The following SLC35F5 variants were observed in gnomAD, a reference collection of about 807,000 sequenced individuals.
SLC35F5 encodes the protein HCV NS5A-transactivated protein 3.
In SLC35F5, 54 loss-of-function variants were observed where a neutral mutation model predicts 68.6. That is an observed-to-expected ratio of 0.79 (90% CI 0.63 to 0.99). The LOEUF is 0.99. Among genes scored for constraint, SLC35F5 ranks in the 50% least tolerant of loss-of-function variants. The pLI is 0.00. For synonymous variants in SLC35F5, 211 were observed against 205.2 expected (o/e 1.03, Z -0.24); for missense variants, 567 against 626.9 (o/e 0.90, Z 1.02).
chr2:113,727,526 C>T lies in SLC35F5; in HGVS notation c.1090+1875G>A, dbSNP rs140729074. Among the ~76,000 whole-genome samples the T allele has an allele frequency of 1.5e-3, 222 of 152,286 alleles. 1 individual carries two copies. Among genetic ancestry groups the T allele is most frequent in the African/African-American group, 5.0e-3 (209 of 41,562 alleles). On this transcript the variant is annotated intron_variant, in intron 11 of 15. Transcript: ENST00000245680. ...ATGAAATCCCACGTAAATTAACATCCTTTGACCTAGAGACAAAAGTCCCAA... is the reference window on the plus strand; with the variant it reads ...ATGAAATCCCACGTAAATTAACATCTTTTGACCTAGAGACAAAAGTCCCAA...
intron 15 of SLC35F5, chr2:113,717,527 G>C: frequency 2.8e-6 from 1 of 356,072 alleles, no homozygotes; most frequent in Non-Finnish European, 5.1e-6. Context: ...AGGTTCTACT[G>C]TAATCCCATT....
chr2:113,739,959 T>C (rs1676179498), intron 7 of SLC35F5, among the ~76,000 whole-genome samples: 1 of 152,228 alleles, frequency 6.6e-6, no homozygotes, highest in Admixed American at 6.5e-5. Flanking sequence ...AGAATATATT[T>C]ACGACTCATT....
At position 113,750,419 on chromosome 2, in the gene SLC35F5, A is replaced by G. The variant is rs753413963; in HGVS notation, c.417+6T>C. The G allele has an allele frequency of 3.0e-5, 48 of 1,589,460 alleles. No individual in the cohort carries two copies. Among genetic ancestry groups the G allele is most frequent in the Non-Finnish European group, 4.1e-5 (48 of 1,169,528 alleles). On this transcript the variant is annotated splice_donor_region_variant and intron_variant, in intron 4 of 15. Transcript: ENST00000245680. The stretch of plus-strand genomic sequence containing the variant: ...TCCTAACAGACAGTTAAAATTAAAA[A>G]CTTACAAAAGCAGCATGCTTTCCGC...
At chr2:113,755,731 A>G in intron 1 of SLC35F5, 187 bp from the exon 2 acceptor site, 1 of 1,061,048 alleles carries the variant, frequency 9.4e-7, no homozygotes, top group East Asian at 2.6e-5. Flanking sequence ...GATTATACTT[A>G]GAGAGATACG....
chr2:113,718,921 GAAAGAAAAAGA>G (rs773716424), intron 14 of SLC35F5, among the ~76,000 whole-genome samples: 1,015 of 67,850 alleles, frequency 0.015, 13 homozygotes, highest in Non-Finnish European at 0.027. Context: ...AAGAAAGAAA[GAAAGAAAAAGA>G]AAGGAAGAAA....
At chr2:113,752,458 G>C (rs1676783521) in intron 3 of SLC35F5, among the ~76,000 whole-genome samples, 1 of 152,112 alleles carries the variant, frequency 6.6e-6, no homozygotes, top group Non-Finnish European at 1.5e-5. Context: ...TGTCATGCTG[G>C]AATGTTACAG....
rs545001610 is a variant in SLC35F5, at chr2:113,743,727, A to G, written c.548T>C (p.Ile183Thr). Residue 183 changes from isoleucine (I) to threonine (T), a missense_variant, in exon 6 of 16, where the codon ATT becomes ACT. Physicochemically the swap from Ile to Thr is moderately conservative, Grantham distance 89. Coordinates refer to ENST00000245680, the MANE Select transcript of SLC35F5 (RefSeq NM_025181.5). ...LPSEKPESTN[I>T]DTEKTPKKSR... ...GTTTTGCTTACTTTTTTCAGTATCA[A>G]TGTTTGTGCTCTCAGGTTTTTCACT... 56 of 1,612,476 alleles carry G rather than the reference A, an allele frequency of 3.5e-5. No homozygotes were observed. The highest frequency in any genetic ancestry group is 2.1e-5 in the Non-Finnish European group (25 of 1,179,160).
rs867595280 is a variant in SLC35F5, at chr2:113,755,493, C to A, written c.92G>T (p.Gly31Val). The stretch of plus-strand genomic sequence containing the variant: ...CCTTCTGAGATCCTCAAGAGCAATG[C>A]CGGAAAACTTGGCAGATCTCAGTCT... The part of the protein sequence containing the change: ...PFRLRSAKFS[G>V]IALEDLRRAL... Residue 31 changes from glycine to valine, a missense_variant, in exon 2 of 16, where the codon GGC (glycine) becomes GTC (valine). Coordinates refer to ENST00000245680, the MANE Select transcript of SLC35F5 (RefSeq NM_025181.5). 1.2e-6 allele frequency: 2 copies of A among 1,613,982 alleles called. No homozygotes were observed. Among genetic ancestry groups the A allele is most frequent in the Admixed American group, 1.7e-5 (1 of 60,004 alleles).
downstream of SLC35F5, among the ~76,000 whole-genome samples, chr2:113,704,768 G>A (rs2104941257): frequency 6.6e-6 from 1 of 152,112 alleles, no homozygotes; most frequent in Non-Finnish European, 1.5e-5. Context: ...CGCAGCCCCT[G>A]TTCCCGCCCT....
At chr2:113,726,114 T>C (rs935879706) in intron 11 of SLC35F5, among the ~76,000 whole-genome samples, 3 of 152,200 alleles carry the variant, frequency 2.0e-5, no homozygotes, top group African/African-American at 4.8e-5. Flanking sequence ...AGTGGTTAAG[T>C]GTGTGCTCGG....
At chr2:113,706,645 T>G (rs912241643), downstream of SLC35F5, among the ~76,000 whole-genome samples, 1 of 152,198 alleles carries the variant, frequency 6.6e-6, no homozygotes, top group African/African-American at 2.4e-5. Context: ...CAAAGCTGAG[T>G]GATGTGCTCC....
intron 7 of SLC35F5, among the ~76,000 whole-genome samples, chr2:113,738,481 AT>A (rs1050022264): frequency 5.9e-5 from 9 of 151,932 alleles, no homozygotes; most frequent in Non-Finnish European, 1.3e-4. Flanking sequence ...AAAATGTACT[AT>A]ATATATATTC....
chr2:113,739,863 CA>C (rs1431615149), intron 7 of SLC35F5, among the ~76,000 whole-genome samples: 6 of 152,234 alleles, frequency 3.9e-5, no homozygotes, highest in Non-Finnish European at 8.8e-5. Context: ...TAATGATTAA[CA>C]GGTATTTTGT....
chr2:113,721,029 T>C (rs1391499603), intron 13 of SLC35F5, among the ~76,000 whole-genome samples: 1 of 152,152 alleles, frequency 6.6e-6, no homozygotes, highest in Non-Finnish European at 1.5e-5. Flanking sequence ...TCAAATAGAA[T>C]ATGATCAAGG....
In SLC35F5 at chr2:113,714,505, T is replaced by C. The variant is rs1310988582; in HGVS notation, c.*713A>G. 6.6e-6 allele frequency: 1 copy of C among 152,158 alleles called. No homozygotes were observed. The allele number at this position is 152,158 out of a possible 1,614,324, so 9.4% of individuals were successfully genotyped here. A position where few individuals can be genotyped will look rare whatever the true frequency, so the allele number is the denominator to read the frequency against. On this transcript the variant is annotated 3_prime_UTR_variant, in exon 16 of 16. Coordinates refer to ENST00000245680, the MANE Select transcript of SLC35F5 (RefSeq NM_025181.5). ...ATTAAGTTTACAGCAATATAGCCTT[T>C]AGAAATACATATTTCTTCATTTTAT... is the stretch of plus-strand genomic sequence containing the variant.
In SLC35F5 at chr2:113,747,345, C is replaced by A. The variant is rs186745534; in HGVS notation, c.418-1006G>T. 3.0e-3 allele frequency among the ~76,000 whole-genome samples: 457 copies of A among 151,822 alleles called. 2 individuals are homozygous for A. The highest frequency in any genetic ancestry group is 9.7e-3 in the African/African-American group (402 of 41,394). ...CTGGATCACACTTTAAGAATCACTG[C>A]GCTAATGCTATGTAAATATGATTTC... On this transcript the variant is annotated intron_variant, in intron 4 of 15. Coordinates refer to ENST00000245680, the MANE Select transcript of SLC35F5 (RefSeq NM_025181.5).
In SLC35F5 at chr2:113,725,511, G is replaced by A. The variant is rs1283997587; in HGVS notation, c.1117C>T (p.Leu373Phe). 3 of 1,589,974 alleles carry A rather than the reference G, an allele frequency of 1.9e-6. No individual in the cohort carries two copies. The highest frequency in any genetic ancestry group is 1.4e-5 in the African/African-American group (1 of 72,978). The change falls in exon 12 of 16, where the codon CTC becomes TTC. Residue 373 changes from leucine (L) to phenylalanine (F), a missense_variant. Leu to Phe is a conservative substitution (Grantham distance 22, BLOSUM62 0). Transcript: ENST00000245680. ...FGFVGLFNLL[L>F]LWPGFFLLHY... ...AGTAAAAAGAAACCTGGCCATAAGAGCAGCAGATTAAACAAACCTACAAAA... is the reference window on the plus strand; with the variant it reads ...AGTAAAAAGAAACCTGGCCATAAGAACAGCAGATTAAACAAACCTACAAAA...
At chr2:113,741,562 G>A (rs139396552) in intron 7 of SLC35F5, among the ~76,000 whole-genome samples, 1,676 of 152,144 alleles carry the variant, frequency 0.011, 35 homozygotes, top group African/African-American at 0.039. Context: ...TTAGCTGGGT[G>A]TGGTGGCGCA....
intron 13 of SLC35F5, among the ~76,000 whole-genome samples, chr2:113,722,418 A>C (rs1687481472): frequency 6.6e-6 from 1 of 152,066 alleles, no homozygotes; most frequent in African/African-American, 2.4e-5. Context: ...TACTTCTGTG[A>C]CTTAGTAGTT....
Sources: gnomAD v4.1 joint callset for allele counts (sites outside exome capture counted in the v4.1 genomes callset) on GRCh38, gnomAD v4.1.1 for gene constraint, MANE v1.5 for transcripts, NCBI Gene and HGNC (gene_info 2026-07-23, HGNC 2026-07-21) for gene names.